Variants in RYR3 observed in about 807,000 individuals in gnomAD.
RYR3 encodes brain ryanodine receptor-calcium release channel.
A neutral mutation model predicts 584.3 loss-of-function variants in RYR3; 207 were observed. The observed-to-expected ratio is 0.35, with a 90% CI of 0.32 to 0.40. The LOEUF is 0.40. Among genes scored for constraint, RYR3 ranks in the 10% least tolerant of loss-of-function variants. RYR3 has a pLI of 1.00. For missense variants in RYR3, 5,616 were observed against 6,089.2 expected, an observed-to-expected ratio of 0.92 and a Z score of 2.59; for synonymous variants, 2,416 against 2,248.5, an observed-to-expected ratio of 1.07 and a Z score of -2.11.
At chr15:33,535,437 T>C (rs1016741331) in intron 5 of RYR3, among the ~76,000 whole-genome samples, 1 of 152,226 alleles carries the variant, frequency 6.6e-6, no homozygotes, top group Admixed American at 6.5e-5. Context: ...AGATTTGAAT[T>C]TGATTTAAAG....
intron 11 of RYR3, among the ~76,000 whole-genome samples, chr15:33,563,247 T>C (rs1420604753): frequency 6.6e-6 from 1 of 152,104 alleles, no homozygotes; most frequent in Non-Finnish European, 1.5e-5. Context: ...GAGGAAGAGG[T>C]GATGTATTTA....
At chr15:33,735,324 G>A (rs182691534) in intron 48 of RYR3, among the ~76,000 whole-genome samples, 2 of 152,296 alleles carry the variant, frequency 1.3e-5, no homozygotes, top group Admixed American at 1.3e-4. Context: ...TTATCACAAG[G>A]CCAGCTCCAG....
chr15:33,592,776 A>C (rs2059194305), intron 16 of RYR3, among the ~76,000 whole-genome samples: 1 of 152,160 alleles, frequency 6.6e-6, no homozygotes. Context: ...TTTTCTTTTC[A>C]AAGAACCTGT....
intron 1 of RYR3, among the ~76,000 whole-genome samples, chr15:33,322,893 T>C (rs1567023429): frequency 1.3e-5 from 2 of 151,628 alleles, no homozygotes; most frequent in South Asian, 2.1e-4. Flanking sequence ...TTGTAAGCTC[T>C]TAACCACTCT....
At chr15:33,388,838 G>A (rs1017877756) in intron 1 of RYR3, among the ~76,000 whole-genome samples, 18 of 152,120 alleles carry the variant, frequency 1.2e-4, no homozygotes, top group African/African-American at 4.3e-4. Context: ...GTGAAGCTGG[G>A]GAGGAAACCT....
At chr15:33,561,223 CAAAAAG>C (rs1307263417) in intron 10 of RYR3, among the ~76,000 whole-genome samples, 1 of 152,048 alleles carries the variant, frequency 6.6e-6, no homozygotes, top group African/African-American at 2.4e-5. Flanking sequence ...CATAGCCTGA[CAAAAAG>C]AAAATGTCGT....
At chr15:33,473,589 A>G in intron 2 of RYR3, 51 bp downstream of exon 2, 1 of 1,600,552 alleles carries the variant, frequency 6.2e-7, no homozygotes, top group Non-Finnish European at 8.6e-7. Flanking sequence ...CGTCTGACAA[A>G]GTCATTTAGG....
chr15:33,717,553 T>A (rs1165403113), intron 43 of RYR3, among the ~76,000 whole-genome samples: 1 of 152,208 alleles, frequency 6.6e-6, no homozygotes, highest in Non-Finnish European at 1.5e-5. Flanking sequence ...CTACTCCAAG[T>A]TGTTATTATC....
At chr15:33,643,923 G>GT (rs1384219829) in intron 27 of RYR3, among the ~76,000 whole-genome samples, 2 of 152,084 alleles carry the variant, frequency 1.3e-5, no homozygotes, top group Non-Finnish European at 2.9e-5. Context: ...TCACTGCATT[G>GT]TTTTGGGTAG....
intron 4 of RYR3, among the ~76,000 whole-genome samples, chr15:33,531,614 ATAAT>A (rs1210763982): frequency 6.6e-6 from 1 of 151,446 alleles, no homozygotes; most frequent in Non-Finnish European, 1.5e-5. Flanking sequence ...TGCCTGTTAA[ATAAT>A]TCATTTGCTG....
At chr15:33,399,602 C>T (rs1228011488) in intron 1 of RYR3, among the ~76,000 whole-genome samples, 1 of 152,134 alleles carries the variant, frequency 6.6e-6, no homozygotes, top group Non-Finnish European at 1.5e-5. Context: ...AGCGCCACTG[C>T]ACTCCAGCCT....
At chr15:33,633,752 C>T (rs537159301) in intron 24 of RYR3, among the ~76,000 whole-genome samples, 1 of 152,182 alleles carries the variant, frequency 6.6e-6, no homozygotes, top group Non-Finnish European at 1.5e-5. Context: ...CTTATCACTA[C>T]AATTGTCCCT....
At chr15:33,847,710 C>G (rs2078815394) in intron 93 of RYR3, 3 of 152,326 alleles carry the variant, frequency 2.0e-5, no homozygotes, top group Non-Finnish European at 4.4e-5. Flanking sequence ...TAGTAGGAAA[C>G]AAGTATGCCA....
chr15:33,324,356 A>T (rs1405451420), intron 1 of RYR3, among the ~76,000 whole-genome samples: 1 of 152,222 alleles, frequency 6.6e-6, no homozygotes, highest in African/African-American at 2.4e-5. Flanking sequence ...ACTCTAAAAA[A>T]GTGGCATCTT....
chr15:33,665,483 C>T (rs1187371373), intron 36 of RYR3, among the ~76,000 whole-genome samples: 1 of 152,196 alleles, frequency 6.6e-6, no homozygotes. Context: ...CTATCAGTGA[C>T]CCGATGAGTG....
chr15:33,835,635 A>C (rs900214104), intron 87 of RYR3, among the ~76,000 whole-genome samples: 1 of 152,176 alleles, frequency 6.6e-6, no homozygotes, highest in Admixed American at 6.5e-5. Context: ...GACCTTCAGG[A>C]GGTATTTGAG....
Position 33,643,150 on chromosome 15 carries a change from C to T in RYR3, c.3557-1161C>T, listed in dbSNP as rs555935841. Among the ~76,000 whole-genome samples the T allele has an allele frequency of 6.6e-5, 10 of 152,220 alleles. 1 individual carries two copies. In the South Asian group the frequency reaches 2.1e-3, roughly 32 times the overall value. The stretch of plus-strand genomic sequence containing the variant: ...GCTCCCAAAATTGGCTTTTAAATGT[C>T]CCCCGAAATGACCACTCTTATCCTA... On this transcript the variant is annotated intron_variant, in intron 27 of 103. Coordinates refer to ENST00000634891, the MANE Select transcript of RYR3 (RefSeq NM_001036.6).
intron 1 of RYR3, among the ~76,000 whole-genome samples, chr15:33,376,865 C>G (rs1017480921): frequency 6.6e-6 from 1 of 152,192 alleles, no homozygotes; most frequent in South Asian, 2.1e-4. Flanking sequence ...TCTAGCACCA[C>G]TTGTTGAAAA....
intron 55 of RYR3, among the ~76,000 whole-genome samples, chr15:33,748,942 A>G (rs2071013907): frequency 6.6e-6 from 1 of 152,228 alleles, no homozygotes; most frequent in Non-Finnish European, 1.5e-5. Context: ...TAGATTATTT[A>G]TAATTCCTAA....
Sources: gnomAD v4.1 joint callset for allele counts (sites outside exome capture counted in the v4.1 genomes callset) on GRCh38, gnomAD v4.1.1 for gene constraint, MANE v1.5 for transcripts, NCBI Gene and HGNC (gene_info 2026-07-23, HGNC 2026-07-21) for gene names.